Variants in SHANK1 observed in about 807,000 individuals in gnomAD.
The protein encoded by SHANK1 is SH3 and multiple ankyrin repeat domains 1.
Under a neutral mutation model 165.6 loss-of-function variants are expected in SHANK1, and 35 were observed. That is an observed-to-expected ratio of 0.21 (90% CI 0.16 to 0.28). SHANK1 has a LOEUF of 0.28. Ranked by LOEUF, SHANK1 falls within the 10% of genes least tolerant of loss-of-function variation. SHANK1 has a pLI of 1.00. For missense variants in SHANK1, 2,681 were observed against 3,036.4 expected (o/e 0.88, Z 2.75); for synonymous variants, 1,428 against 1,384.8 (o/e 1.03, Z -0.69).
At position 50,667,028 on chromosome 19, in the gene SHANK1, G is replaced by A. The variant is rs772382538; in HGVS notation, c.4932C>T (p.Asp1644=). Residue 1644 remains aspartate (D), a synonymous_variant, in exon 23 of 24, where the codon GAC becomes GAT. Transcript: ENST00000293441. This position sits in a 1 kb window ranked among gnomAD's most constrained non-coding sequence, Gnocchi z 5.7. ...LTQGASAAPG[D]PHPPGPPAPA... ...GGGCAGGCGGGCCTGGTGGATGGGG[G>A]TCCCCAGGAGCGGCGGAGGCCCCCT... 16 of 1,550,042 alleles carry A rather than the reference G, an allele frequency of 1.0e-5. No individual in the cohort carries two copies. The Admixed American group carries it at 2.6e-4, about 26-fold the overall frequency.
Position 50,677,620 on chromosome 19 carries a change from G to A in SHANK1, c.2578-5506C>T, listed in dbSNP as rs536801387. On this transcript the variant is annotated intron_variant, in intron 21 of 23. Transcript: ENST00000293441. ...CTTGAGAGCCCAGCAGCAGGTCCAG[G>A]ATATAGTAGGTGCTCAATAAATATT... is the stretch of plus-strand genomic sequence containing the variant. 7.2e-5 allele frequency among the ~76,000 whole-genome samples: 11 copies of A among 152,274 alleles called. No individual in the cohort carries two copies. The East Asian group carries it at 1.9e-3, about 27-fold the overall frequency.
In SHANK1 at chr19:50,686,889, C is replaced by T. The variant is rs2123129621; in HGVS notation, c.2390-77G>A. On this transcript the variant is annotated intron_variant, in intron 19 of 23. Transcript: ENST00000293441. This position sits in a 1 kb window ranked among gnomAD's most constrained non-coding sequence, Gnocchi z 5.7. ...GAGCGGGCTCGGCCTGTGGGCGTGG[C>T]CAGCAGGTGCGGGCCAGTGGGCGTG... 6.4e-7 allele frequency: 1 copy of T among 1,556,752 alleles called. No individual in the cohort carries two copies. Among genetic ancestry groups the T allele is most frequent in the Non-Finnish European group, 8.8e-7 (1 of 1,141,222 alleles).
chr19:50,672,348 C>G (rs1374318626), intron 21 of SHANK1, among the ~76,000 whole-genome samples: 1 of 151,808 alleles, frequency 6.6e-6, no homozygotes, highest in Non-Finnish European at 1.5e-5. Flanking sequence ...GAGTTCAAGA[C>G]CAGCCTGGCC....
chr19:50,676,205 A>AG (rs1985976787), intron 21 of SHANK1, among the ~76,000 whole-genome samples: 2 of 149,574 alleles, frequency 1.3e-5, no homozygotes, highest in South Asian at 2.1e-4. Flanking sequence ...TGGGAGGCTG[A>AG]GGTGGGAGGA....
At chr19:50,693,258 T>C (rs1175138732) in intron 15 of SHANK1, among the ~76,000 whole-genome samples, 3 of 45,462 alleles carry the variant, frequency 6.6e-5, no homozygotes, top group Non-Finnish European at 1.2e-4. Flanking sequence ...CCCCACCCCA[T>C]TTCTCTGCTC....
chr19:50,712,964 C>G (rs1289299280), intron 6 of SHANK1, among the ~76,000 whole-genome samples: 1 of 152,066 alleles, frequency 6.6e-6, no homozygotes, highest in Non-Finnish European at 1.5e-5. Context: ...CGTGTGTGAG[C>G]AGGATGTGGG....
At chr19:50,701,759 G>A (rs1461337261) in intron 12 of SHANK1, among the ~76,000 whole-genome samples, 1 of 152,190 alleles carries the variant, frequency 6.6e-6, no homozygotes, top group East Asian at 1.9e-4. Flanking sequence ...TCGTATTAAC[G>A]GCCACACCTG....
intron 21 of SHANK1, among the ~76,000 whole-genome samples, chr19:50,674,165 G>A (rs1985900260): frequency 6.6e-6 from 1 of 151,490 alleles, no homozygotes; most frequent in South Asian, 2.1e-4. Flanking sequence ...AAACCTGCCT[G>A]AGGGTAGGGT....
chr19:50,663,839 A>T (rs1985367885), intron 23 of SHANK1, among the ~76,000 whole-genome samples: 1 of 151,870 alleles, frequency 6.6e-6, no homozygotes, highest in Non-Finnish European at 1.5e-5. Context: ...AAGGCCTAAT[A>T]AACCCACATT....
At chr19:50,684,754 T>A (rs561713096) in intron 21 of SHANK1, among the ~76,000 whole-genome samples, 2 of 152,218 alleles carry the variant, frequency 1.3e-5, no homozygotes, top group Admixed American at 1.3e-4. Flanking sequence ...GATATCTCCA[T>A]ATCCCATCAC....
At chr19:50,706,788 T>A (rs1019351623) in intron 8 of SHANK1, among the ~76,000 whole-genome samples, 8 of 152,024 alleles carry the variant, frequency 5.3e-5, no homozygotes, top group Admixed American at 1.3e-4. Context: ...ATTTTTAAAA[T>A]TTTTTTGAGA....
intron 21 of SHANK1, among the ~76,000 whole-genome samples, chr19:50,679,685 G>A (rs1986110343): frequency 6.6e-6 from 1 of 152,212 alleles, no homozygotes; most frequent in South Asian, 2.1e-4. Context: ...AGTGGCTGGG[G>A]AACTCCTGCT....
chr19:50,713,257 C>T lies in SHANK1; in HGVS notation c.792+541G>A, dbSNP rs189011672. 2.1e-3 allele frequency among the ~76,000 whole-genome samples: 323 copies of T among 152,002 alleles called. 1 individual carries two copies. Among genetic ancestry groups the T allele is most frequent in the African/African-American group, 7.5e-3 (312 of 41,408 alleles). ...TTTTAAAATTAGACTGTGCAGCTGC[C>T]GCTGTGTATGTATTTTGTGGGTGTA... On this transcript the variant is annotated intron_variant, in intron 6 of 23. Coordinates refer to ENST00000293441, the MANE Select transcript of SHANK1 (RefSeq NM_016148.5). This position sits in a 1 kb window ranked among gnomAD's most constrained non-coding sequence, Gnocchi z 6.2.
At position 50,717,267 on chromosome 19, in the gene SHANK1, C is replaced by T. The variant is rs571449620; in HGVS notation, c.-43-305G>A. Among the ~76,000 whole-genome samples the T allele has an allele frequency of 2.6e-5, 4 of 152,336 alleles. No individual in the cohort carries two copies. The highest frequency in any genetic ancestry group is 4.4e-5 in the Non-Finnish European group (3 of 68,020). On this transcript the variant is annotated intron_variant, in intron 1 of 23. Coordinates refer to ENST00000293441, the MANE Select transcript of SHANK1 (RefSeq NM_016148.5). This position sits in a 1 kb window ranked among gnomAD's most constrained non-coding sequence, Gnocchi z 5.5. The stretch of plus-strand genomic sequence containing the variant: ...CCCAGCGTGGCCGTGTCCCAGAAAC[C>T]GCAGAATCACCGCGGGAGCTACTGG...
rs142402078 is a variant in SHANK1, at chr19:50,692,456, G to GATATATATATATAT, written c.1965-3191_1965-3178dup. ...TCAAAGCCAAGATTTGAATTCACCA[G>GATATATATATATAT]ATATATATATATATATACACACACA... On this transcript the variant is annotated intron_variant, in intron 15 of 23. Transcript: ENST00000293441. 2.0e-3 allele frequency among the ~76,000 whole-genome samples: 252 copies of GATATATATATATAT among 128,816 alleles called. 5 individuals carry two copies. The highest frequency in any genetic ancestry group is 6.0e-3 in the African/African-American group (189 of 31,438). 84.5% of individuals were successfully genotyped at this position (128,816 alleles called of 152,430 possible). A position where few individuals can be genotyped will look rare whatever the true frequency, so the allele number is the denominator to read the frequency against.
Position 50,716,961 on chromosome 19 carries a change from G to A in SHANK1, c.-42C>T, listed in dbSNP as rs560826187. On this transcript the variant is annotated splice_region_variant and 5_prime_UTR_variant, in exon 2 of 24. Transcript: ENST00000293441. This position sits in a 1 kb window ranked among gnomAD's most constrained non-coding sequence, Gnocchi z 8.4. ...GACGGGGGACGGCAGCATCACAGGC[G>A]GCTGCAGGGGCCAAGGGCGGCCATC... 1.6e-3 allele frequency: 2,287 copies of A among 1,414,848 alleles called. 2 individuals carry two copies. The highest frequency in any genetic ancestry group is 6.3e-3 in the Admixed American group (198 of 31,288). The allele number at this position is 1,414,848 out of a possible 1,614,324, so 87.6% of individuals were successfully genotyped here.
Position 50,668,545 on chromosome 19 carries a change from G to C in SHANK1, c.3415C>G (p.Gln1139Glu). 7.4e-7 allele frequency: 1 copy of C among 1,356,640 alleles called. No individual in the cohort carries two copies. Among genetic ancestry groups the C allele is most frequent in the South Asian group, 2.3e-5 (1 of 43,878 alleles). 84.0% of individuals were successfully genotyped at this position (1,356,640 alleles called of 1,614,324 possible). A position where few individuals can be genotyped will look rare whatever the true frequency, so the allele number is the denominator to read the frequency against. The part of the protein sequence containing the change: ...APSPTSPASP[Q>E]PPPAVAAPSE... The stretch of plus-strand genomic sequence containing the variant: ...GGCGCGGCCACGGCGGGCGGCGGCT[G>C]CGGGGAGGCCGGGGACGTGGGCGAC... Residue 1139 changes from glutamine (Q) to glutamate (E), a missense_variant, in exon 23 of 24, where the codon CAG becomes GAG. Physicochemically the swap from Gln to Glu is conservative, Grantham distance 29. This residue lies in a region of SHANK1 where 1,713 missense variants were observed against 1,630.2 expected (regional missense o/e 1.05). Transcript: ENST00000293441.
intron 12 of SHANK1, among the ~76,000 whole-genome samples, chr19:50,698,320 C>T (rs755651300): frequency 6.6e-5 from 10 of 152,066 alleles, no homozygotes; most frequent in East Asian, 3.9e-4. Context: ...ACGGATGGGG[C>T]GACAAGTTCT....
At chr19:50,699,465 A>G (rs987143831) in intron 12 of SHANK1, among the ~76,000 whole-genome samples, 1 of 152,196 alleles carries the variant, frequency 6.6e-6, no homozygotes, top group Non-Finnish European at 1.5e-5. Context: ...TATAATGGCA[A>G]AGGGGTCCAG....
Sources: gnomAD v4.1 joint callset for allele counts (sites outside exome capture counted in the v4.1 genomes callset) on GRCh38, gnomAD v4.1.1 for gene constraint, gnomAD v4.1.1 regional missense constraint, Gnocchi (gnomAD v3.1) non-coding constraint, MANE v1.5 for transcripts, NCBI Gene and HGNC (gene_info 2026-07-23, HGNC 2026-07-21) for gene names.